Variants in WRN observed in about 807,000 individuals in gnomAD.
WRN encodes the protein bifunctional 3'-5' exonuclease/ATP-dependent helicase WRN.
WRN carries 149 observed loss-of-function variants against 180.7 expected under a neutral mutation model. The ratio of observed to expected loss-of-function variants is 0.82; its 90% CI spans 0.72 to 0.94. The LOEUF (loss-of-function observed/expected upper bound fraction) is 0.94. Ranked by LOEUF, WRN falls within the 40% of genes least tolerant of loss-of-function variation. WRN has a pLI of 0.00. For synonymous variants in WRN, 548 were observed against 568.9 expected, an observed-to-expected ratio of 0.96 and a Z score of 0.52; for missense variants, 1,661 against 1,700.1, an observed-to-expected ratio of 0.98 and a Z score of 0.40.
At chr8:31,103,751 T>A (rs373557989) in intron 18 of WRN, among the ~76,000 whole-genome samples, 1 of 152,186 alleles carries the variant, frequency 6.6e-6, no homozygotes, top group African/African-American at 2.4e-5. Context: ...ATTTTTCTTT[T>A]TTTGAGACAG....
chr8:31,049,235 A>AAT (rs2129957358), intron 1 of WRN, among the ~76,000 whole-genome samples: 1 of 149,278 alleles, frequency 6.7e-6, no homozygotes, highest in East Asian at 1.9e-4. Flanking sequence ...AAAAAAAAAA[A>AAT]AAGAAAGAAA....
Position 31,173,003 on chromosome 8 carries a change from T to G in WRN, c.4200T>G (p.Ser1400=), listed in dbSNP as rs1368036411. ...CTTTCTATTTCCTACAGACTTCATCTGCAGAGAGAAAGAGACGATTACCTG... is the reference window on the plus strand; with the variant it reads ...CTTTCTATTTCCTACAGACTTCATCGGCAGAGAGAAAGAGACGATTACCTG... ...EEVGINTETS[S]AERKRRLPVW... Residue 1400 remains serine (S), a synonymous_variant, in exon 35 of 35, where the codon TCT becomes TCG. Transcript: ENST00000298139. 1 of 1,613,750 alleles carries G rather than the reference T, an allele frequency of 6.2e-7. No individual in the cohort carries two copies. The highest frequency in any genetic ancestry group is 8.5e-7 in the Non-Finnish European group (1 of 1,179,884).
At chr8:31,147,600 C>T in intron 30 of WRN, 124 bp downstream of exon 30, 2 of 873,010 alleles carry the variant, frequency 2.3e-6, no homozygotes, top group East Asian at 2.7e-5. Flanking sequence ...CTCAGATTCC[C>T]CCTGCTGCGA....
At chr8:31,100,459 TC>T (rs1814179128) in intron 17 of WRN, among the ~76,000 whole-genome samples, 2 of 152,172 alleles carry the variant, frequency 1.3e-5, no homozygotes, top group African/African-American at 4.8e-5. Context: ...ATTTGCTGAC[TC>T]TTTTTATCTC....
chr8:31,103,697 G>A (rs1800969143), intron 18 of WRN, among the ~76,000 whole-genome samples: 2 of 151,910 alleles, frequency 1.3e-5, no homozygotes, highest in African/African-American at 4.8e-5. Context: ...AAGATGCTAT[G>A]AACATTTGTT....
rs1324744363 is a variant in WRN, at chr8:31,150,308, T to G, written c.3573-33T>G. On this transcript the variant is annotated intron_variant, in intron 30 of 34. Transcript: ENST00000298139. The stretch of plus-strand genomic sequence containing the variant: ...TACTGTTTCAGTGGTTTCTTGACCT[T>G]TTTGTTGTTGTTGTTGTTGTTGTTA... 19 of 1,558,678 alleles carry G rather than the reference T, an allele frequency of 1.2e-5. No homozygotes were observed. The East Asian group carries it at 4.3e-4, about 35-fold the overall frequency.
chr8:31,068,362 C>A (rs1238362098), intron 7 of WRN, 35 bp downstream of exon 7: 1 of 1,535,902 alleles, frequency 6.5e-7, no homozygotes, highest in Non-Finnish European at 9.0e-7. Flanking sequence ...TGTGAATTCA[C>A]TCTTTTGTGA....
intron 21 of WRN, among the ~76,000 whole-genome samples, chr8:31,123,627 A>C (rs113418041): frequency 6.6e-6 from 1 of 152,106 alleles, no homozygotes; most frequent in Non-Finnish European, 1.5e-5. Context: ...TGAATAGTCA[A>C]ATTATTAGTG....
chr8:31,047,333 G>A (rs888777103), intron 1 of WRN, among the ~76,000 whole-genome samples: 1 of 151,998 alleles, frequency 6.6e-6, no homozygotes, highest in South Asian at 2.1e-4. Context: ...TGTAGAGATA[G>A]TATTCGCCAT....
intron 6 of WRN, 58 bp from the exon 7 acceptor site, chr8:31,068,200 T>G: frequency 7.7e-7 from 1 of 1,293,172 alleles, no homozygotes; most frequent in East Asian, 2.4e-5. Context: ...AGATGGGACT[T>G]ACTGTTTTAT....
chr8:31,106,857 C>T (rs1156929427), intron 18 of WRN, among the ~76,000 whole-genome samples: 1 of 152,008 alleles, frequency 6.6e-6, no homozygotes, highest in African/African-American at 2.4e-5. Context: ...TGGAACAATA[C>T]CTGGCTTATA....
chr8:31,116,311 A>G, intron 19 of WRN, 43 bp from the exon 20 acceptor site: 1 of 1,605,410 alleles, frequency 6.2e-7, no homozygotes, highest in Non-Finnish European at 8.5e-7. Context: ...TGAAGCATGT[A>G]TAAAGTATAT....
chr8:31,037,192 C>T (rs568411295), intron 1 of WRN, among the ~76,000 whole-genome samples: 74 of 152,308 alleles, frequency 4.9e-4, no homozygotes, highest in Middle Eastern at 6.8e-3. Context: ...AGTGACAGTT[C>T]ATAAGGCATT....
At chr8:31,150,216 TG>T in intron 30 of WRN, 124 bp from the exon 31 acceptor site, 1 of 796,304 alleles carries the variant, frequency 1.3e-6, no homozygotes, top group Non-Finnish European at 2.1e-6. Context: ...TTTTGGTTGT[TG>T]GAAAAACTAT....
intron 7 of WRN, among the ~76,000 whole-genome samples, chr8:31,074,648 T>C (rs1813033172): frequency 6.6e-6 from 1 of 152,216 alleles, no homozygotes; most frequent in African/African-American, 2.4e-5. Flanking sequence ...TTCAACTATA[T>C]TCAACTGCTT....
intron 17 of WRN, 82 bp downstream of exon 17, chr8:31,096,932 C>T: frequency 7.7e-7 from 1 of 1,303,296 alleles, no homozygotes; most frequent in Non-Finnish European, 1.1e-6. Flanking sequence ...CTGGATTTCA[C>T]TTCTGTTAAA....
chr8:31,163,098 G>A (rs1803699196), intron 33 of WRN, among the ~76,000 whole-genome samples: 1 of 152,240 alleles, frequency 6.6e-6, no homozygotes, highest in Non-Finnish European at 1.5e-5. Flanking sequence ...GGGTGTGTGT[G>A]TGTGTGCACA....
intron 23 of WRN, among the ~76,000 whole-genome samples, chr8:31,128,813 C>T (rs1052344397): frequency 1.6e-4 from 25 of 152,126 alleles, no homozygotes; most frequent in African/African-American, 5.3e-4. Context: ...GAGCCGAGAT[C>T]GCGCCACTGC....
intron 1 of WRN, among the ~76,000 whole-genome samples, chr8:31,038,249 A>T (rs1396584342): frequency 6.6e-5 from 10 of 152,150 alleles, no homozygotes; most frequent in Admixed American, 6.5e-4. Flanking sequence ...TTCCTTTTTT[A>T]AAAATTATAG....
Sources: gnomAD v4.1 joint callset for allele counts (sites outside exome capture counted in the v4.1 genomes callset) on GRCh38, gnomAD v4.1.1 for gene constraint, MANE v1.5 for transcripts, NCBI Gene and HGNC (gene_info 2026-07-23, HGNC 2026-07-21) for gene names.